The following NUMB variants were observed in gnomAD, a reference collection of about 807,000 sequenced individuals.
NUMB encodes the protein NUMB endocytic adaptor protein, also known as protein numb homolog.
A neutral mutation model predicts 59.7 loss-of-function variants in NUMB; 29 were observed. The observed-to-expected ratio is 0.49, with a 90% CI of 0.36 to 0.66. The LOEUF is 0.66. NUMB is among the 30% of genes least tolerant of loss of function. The probability of loss-of-function intolerance (pLI) is 0.00; values close to 1 mark genes in which losing one functional copy is unlikely to be tolerated. For missense variants in NUMB, 723 were observed against 822.0 expected (o/e 0.88, Z 1.47); for synonymous variants, 288 against 288.2 (o/e 1.00, Z 0.01).
chr14:73,346,847 C>T (rs1438529544), intron 4 of NUMB, among the ~76,000 whole-genome samples: 1 of 152,178 alleles, frequency 6.6e-6, no homozygotes, highest in African/African-American at 2.4e-5. Context: ...TATTTTCCAC[C>T]TTTGCTCCTG....
intron 4 of NUMB, among the ~76,000 whole-genome samples, chr14:73,344,804 C>T (rs1246380086): frequency 6.6e-6 from 1 of 152,118 alleles, no homozygotes; most frequent in African/African-American, 2.4e-5. Flanking sequence ...CTTCAGCATG[C>T]CATATGTTCT....
intron 4 of NUMB, among the ~76,000 whole-genome samples, chr14:73,341,366 G>C (rs548335927): frequency 7.9e-5 from 12 of 152,264 alleles, no homozygotes; most frequent in African/African-American, 2.9e-4. Flanking sequence ...AATCTAGGTG[G>C]AAAAGGGTCA....
chr14:73,337,288 A>C (rs1892379600), intron 4 of NUMB, among the ~76,000 whole-genome samples: 1 of 152,202 alleles, frequency 6.6e-6, no homozygotes, highest in African/African-American at 2.4e-5. Context: ...AGGTGGGCAG[A>C]TCACTTGAGG....
In NUMB at chr14:73,392,992, G is replaced by C. The variant is rs561990200; in HGVS notation, c.-101+16945C>G. Among the ~76,000 whole-genome samples the C allele has an allele frequency of 3.9e-5, 6 of 152,128 alleles. No individual in the cohort carries two copies. The East Asian group carries it at 1.2e-3, about 29-fold the overall frequency. On this transcript the variant is annotated intron_variant, in intron 2 of 12. Coordinates refer to ENST00000555238, the MANE Select transcript of NUMB (RefSeq NM_001005743.2). ...TCTGGGAGGAGGGGTCACTGCTTAC[G>C]TCAGATTCTGCAAGAAGGATAAGAA...
intron 2 of NUMB, among the ~76,000 whole-genome samples, chr14:73,401,420 G>C (rs186617229): frequency 6.6e-6 from 1 of 151,548 alleles, no homozygotes; most frequent in Non-Finnish European, 1.5e-5. Flanking sequence ...AAAAAAACAG[G>C]GGATGGTACT....
chr14:73,382,413 C>G (rs1426998252), intron 2 of NUMB, among the ~76,000 whole-genome samples: 1 of 151,762 alleles, frequency 6.6e-6, no homozygotes, highest in Admixed American at 6.6e-5. Flanking sequence ...TCCCAAAGTG[C>G]CACTGCGCCC....
At chr14:73,279,833 C>G (rs1238188145) in intron 11 of NUMB, among the ~76,000 whole-genome samples, 1 of 152,152 alleles carries the variant, frequency 6.6e-6, no homozygotes, top group African/African-American at 2.4e-5. Context: ...TTCACTTTTC[C>G]AAAAGGTCAG....
chr14:73,379,253 C>G (rs1362842038), intron 2 of NUMB, among the ~76,000 whole-genome samples: 5 of 152,146 alleles, frequency 3.3e-5, no homozygotes, highest in East Asian at 1.9e-4. Context: ...GGGGAAAGCA[C>G]GTAAGTGTTG....
chr14:73,430,898 T>C (rs1324449366), intron 1 of NUMB, among the ~76,000 whole-genome samples: 7 of 151,732 alleles, frequency 4.6e-5, no homozygotes, highest in South Asian at 4.2e-4. Context: ...TGAGCCGAGA[T>C]TGCGCCACTG....
intron 1 of NUMB, among the ~76,000 whole-genome samples, chr14:73,430,779 G>GA (rs1897792808): frequency 2.0e-5 from 3 of 151,306 alleles, no homozygotes; most frequent in South Asian, 2.1e-4. Context: ...GTCTCTACTA[G>GA]AAAAAAATAC....
chr14:73,413,511 A>T (rs1185287446), intron 1 of NUMB, among the ~76,000 whole-genome samples: 1 of 151,794 alleles, frequency 6.6e-6, no homozygotes, highest in Non-Finnish European at 1.5e-5. Flanking sequence ...TAATCTCAGC[A>T]CTTTGGGAGG....
At chr14:73,297,589 TA>T (rs1347463991) in intron 6 of NUMB, 2 of 213,236 alleles carry the variant, frequency 9.4e-6, no homozygotes, top group Non-Finnish European at 1.8e-5. Context: ...AAAGAATTCA[TA>T]ACTAGATTCT....
In NUMB at chr14:73,287,106, GT is replaced by G. The variant is rs1566726845; in HGVS notation, c.655+3del. 6.2e-7 allele frequency: 1 copy of G among 1,613,074 alleles called. No homozygotes were observed. Among genetic ancestry groups the G allele is most frequent in the Admixed American group, 1.7e-5 (1 of 59,988 alleles). The stretch of plus-strand genomic sequence containing the variant: ...ATAAATACACACTGTAGAACAGATT[GT>G]ACCTTTCTTGGCATCTTGCATTTGT... On this transcript the variant is annotated splice_donor_region_variant and intron_variant, in intron 9 of 12. Coordinates refer to ENST00000555238, the MANE Select transcript of NUMB (RefSeq NM_001005743.2).
intron 4 of NUMB, among the ~76,000 whole-genome samples, chr14:73,336,016 T>TA (rs1215707800): frequency 6.6e-6 from 1 of 152,230 alleles, no homozygotes; most frequent in Non-Finnish European, 1.5e-5. Context: ...CAGATGTGTT[T>TA]AATCATGTAA....
At chr14:73,438,558 G>C (rs1398067013) in intron 1 of NUMB, among the ~76,000 whole-genome samples, 1 of 149,348 alleles carries the variant, frequency 6.7e-6, no homozygotes, top group Non-Finnish European at 1.5e-5. Context: ...TTGACCCCGG[G>C]AGGCAGAGAT....
chr14:73,401,900 C>T (rs1038593446), intron 2 of NUMB, among the ~76,000 whole-genome samples: 1 of 148,852 alleles, frequency 6.7e-6, no homozygotes, highest in Non-Finnish European at 1.5e-5. Flanking sequence ...GTCTCTGTCA[C>T]CCAGGCTGGA....
chr14:73,279,231 G>A, intron 12 of NUMB, 50 bp downstream of exon 12: 4 of 1,610,246 alleles, frequency 2.5e-6, no homozygotes, highest in Non-Finnish European at 3.4e-6. Flanking sequence ...TTAGAACCAG[G>A]GTCACTTATC....
At chr14:73,305,691 A>C (rs1890392396) in intron 6 of NUMB, among the ~76,000 whole-genome samples, 1 of 152,234 alleles carries the variant, frequency 6.6e-6, no homozygotes, top group Non-Finnish European at 1.5e-5. Flanking sequence ...CAAACAGACC[A>C]ATTAGGGCAG....
At chr14:73,424,611 A>C (rs945642199) in intron 1 of NUMB, among the ~76,000 whole-genome samples, 3 of 152,218 alleles carry the variant, frequency 2.0e-5, no homozygotes, top group African/African-American at 7.2e-5. Context: ...AAGAGGAAAA[A>C]AGGAAGTGGC....
Sources: allele counts gnomAD v4.1 joint callset (sites outside exome capture counted in the v4.1 genomes callset), GRCh38; gene constraint gnomAD v4.1.1; transcripts MANE v1.5; gene names NCBI Gene and HGNC (gene_info 2026-07-23, HGNC 2026-07-21).